Variants in ABCA1 observed in about 807,000 individuals in gnomAD.
ABCA1 encodes the protein ATP binding cassette subfamily A member 1.
ABCA1 carries 133 observed loss-of-function variants against 262.5 expected under a neutral mutation model. The observed-to-expected ratio is 0.51, with a 90% CI of 0.44 to 0.59. ABCA1 has a LOEUF of 0.59. ABCA1 is among the 20% of genes least tolerant of loss of function. ABCA1 has a pLI of 0.00. For synonymous variants in ABCA1, 1,022 were observed against 1,043.5 expected, an observed-to-expected ratio of 0.98 and a Z score of 0.40; for missense variants, 2,452 against 2,777.5, an observed-to-expected ratio of 0.88 and a Z score of 2.63.
At chr9:104,924,509 T>G (rs976888882) in intron 1 of ABCA1, among the ~76,000 whole-genome samples, 1 of 151,294 alleles carries the variant, frequency 6.6e-6, no homozygotes, top group Non-Finnish European at 1.5e-5. Flanking sequence ...ACTCAGGAGG[T>G]TGAGGCAGGA....
intron 25 of ABCA1, among the ~76,000 whole-genome samples, chr9:104,815,554 A>G (rs548480446): frequency 6.6e-6 from 1 of 152,250 alleles, no homozygotes; most frequent in East Asian, 1.9e-4. Flanking sequence ...CTGAGTGTTC[A>G]TTTTTTCATC....
intron 5 of ABCA1, among the ~76,000 whole-genome samples, chr9:104,863,245 AGCCCTATG>A (rs1836792787): frequency 6.6e-6 from 1 of 152,170 alleles, no homozygotes; most frequent in South Asian, 2.1e-4. Flanking sequence ...GCTTGGTAGG[AGCCCTATG>A]ACTCCGAAAC....
intron 7 of ABCA1, chr9:104,855,524 C>G: frequency 1.2e-6 from 1 of 801,838 alleles, no homozygotes; most frequent in Non-Finnish European, 1.8e-6. Context: ...TATCTTGACG[C>G]AATTGTTTTC....
rs2777801 is a variant in ABCA1 at position 104,804,596 on chromosome 9, C to A, written c.4559+30G>T. The A allele has an allele frequency of 0.88, 1,382,456 of 1,564,220 alleles. 612,153 individuals carry two copies. The highest frequency in any genetic ancestry group is 1 in the East Asian group (44,603 of 44,620). On this transcript the variant is annotated intron_variant, in intron 32 of 49. Transcript: ENST00000374736. ...TTAATTCCTCTAATTAGTAATAATA[C>A]GGCAGGGGCCAAGTTTAGTAAAAAG...
At chr9:104,855,062 G>T in intron 7 of ABCA1, 1 of 731,088 alleles carries the variant, frequency 1.4e-6, no homozygotes, top group Non-Finnish European at 1.7e-6. Flanking sequence ...GGTACGGACT[G>T]AGACATAAAT....
At chr9:104,924,569 T>C (rs2118557553) in intron 1 of ABCA1, among the ~76,000 whole-genome samples, 1 of 151,102 alleles carries the variant, frequency 6.6e-6, no homozygotes, top group South Asian at 2.1e-4. Context: ...AAGATCATTC[T>C]ACTGCGCTCC....
chr9:104,882,850 G>C (rs992974481), intron 5 of ABCA1, among the ~76,000 whole-genome samples, 189 bp downstream of exon 5: 11 of 152,172 alleles, frequency 7.2e-5, no homozygotes, highest in African/African-American at 2.7e-4. Flanking sequence ...ATCACTGTCT[G>C]TGGCAACCAG....
intron 33 of ABCA1, 121 bp downstream of exon 33, chr9:104,803,163 C>T: frequency 1.8e-6 from 2 of 1,133,860 alleles, no homozygotes; most frequent in East Asian, 2.4e-5. Flanking sequence ...GTCCTCCTCA[C>T]AGTGAGATGG....
At chr9:104,820,307 G>A (rs1302940581) in intron 20 of ABCA1, among the ~76,000 whole-genome samples, 1 of 152,176 alleles carries the variant, frequency 6.6e-6, no homozygotes, top group Non-Finnish European at 1.5e-5. Context: ...CCTGTTTCCA[G>A]CAGGCCTGGC....
rs761077012 is a variant in ABCA1 at position 104,794,507 on chromosome 9, G to C, written c.5386C>G (p.Leu1796Val). The C allele has an allele frequency of 1.1e-6, 1 of 908,508 alleles. No homozygotes were observed. Among genetic ancestry groups the C allele is most frequent in the South Asian group, 1.4e-5 (1 of 69,486 alleles). The allele number at this position is 908,508 out of a possible 1,614,324, so 56.3% of individuals were successfully genotyped here. A position where few individuals can be genotyped will look rare whatever the true frequency, so the allele number is the denominator to read the frequency against. Residue 1796 changes from leucine (L) to valine (V), a missense_variant, in exon 40 of 50, where the codon CTG becomes GTG. By Grantham distance (32) the Leu-to-Val change is conservative (BLOSUM62 1). Coordinates refer to ENST00000374736, the MANE Select transcript of ABCA1 (RefSeq NM_005502.4). ...TTCAGGATATCATTGATATTATTCA[G>C]CTTCTAAAAAAAAAAAAAAAAAATG... is the stretch of plus-strand genomic sequence containing the variant. ...FVLELFTDNK[L>V]NNINDILKSV...
chr9:104,873,827 T>C (rs1837860029), intron 5 of ABCA1, among the ~76,000 whole-genome samples: 1 of 152,212 alleles, frequency 6.6e-6, no homozygotes, highest in Non-Finnish European at 1.5e-5. Context: ...GGAGGTACTA[T>C]TGTTATTCCA....
At chr9:104,868,300 C>T (rs756977797) in intron 5 of ABCA1, among the ~76,000 whole-genome samples, 4 of 152,072 alleles carry the variant, frequency 2.6e-5, no homozygotes, top group Non-Finnish European at 5.9e-5. Context: ...TGCAGTGAGC[C>T]GAGATCACGC....
At chr9:104,858,175 A>C (rs1336535844) in intron 7 of ABCA1, among the ~76,000 whole-genome samples, 1 of 151,494 alleles carries the variant, frequency 6.6e-6, no homozygotes, top group Non-Finnish European at 1.5e-5. Flanking sequence ...TGGTTTCAAG[A>C]CTTTTTTTTT....
chr9:104,857,732 T>C (rs1835968927), intron 7 of ABCA1, among the ~76,000 whole-genome samples: 1 of 152,134 alleles, frequency 6.6e-6, no homozygotes, highest in South Asian at 2.1e-4. Flanking sequence ...ATAAGGAACA[T>C]CTCTTTCCAG....
At chr9:104,831,528 A>G (rs1282301932) in intron 13 of ABCA1, 94 bp downstream of exon 13, 6 of 1,096,402 alleles carry the variant, frequency 5.5e-6, no homozygotes, top group South Asian at 1.6e-5. Flanking sequence ...AATTTCTACC[A>G]AATTTTTAGT....
At chr9:104,825,111 A>T (rs1467717211) in intron 17 of ABCA1, among the ~76,000 whole-genome samples, 1 of 152,250 alleles carries the variant, frequency 6.6e-6, no homozygotes, top group Non-Finnish European at 1.5e-5. Flanking sequence ...AGAAAAATTC[A>T]ACATGAATTT....
intron 32 of ABCA1, among the ~76,000 whole-genome samples, chr9:104,804,234 C>CA (rs4149348): frequency 0.069 from 10,481 of 152,254 alleles, 442 homozygotes; most frequent in East Asian, 0.23. Context: ...AGTCCCCCAT[C>CA]AGAGAGTACC....
At chr9:104,819,070 A>T (rs1436913092) in intron 22 of ABCA1, among the ~76,000 whole-genome samples, 187 bp from the exon 23 acceptor site, 1 of 152,234 alleles carries the variant, frequency 6.6e-6, no homozygotes, top group African/African-American at 2.4e-5. Flanking sequence ...CCACATCCTC[A>T]CAGAGGTAAG....
At chr9:104,887,539 C>T (rs1471253957) in intron 3 of ABCA1, among the ~76,000 whole-genome samples, 2 of 151,910 alleles carry the variant, frequency 1.3e-5, no homozygotes, top group Non-Finnish European at 2.9e-5. Context: ...GAAAATCATT[C>T]GTCTAGTAGA....
Sources: allele counts gnomAD v4.1 joint callset (sites outside exome capture counted in the v4.1 genomes callset), GRCh38; gene constraint gnomAD v4.1.1; transcripts MANE v1.5; gene names NCBI Gene and HGNC (gene_info 2026-07-23, HGNC 2026-07-21).